MAGI3: variants seen among roughly 807,000 people sequenced by gnomAD.
MAGI3 encodes membrane associated guanylate kinase, WW and PDZ domain containing 3.
MAGI3 carries 43 observed loss-of-function variants against 121.8 expected under a neutral mutation model. The ratio of observed to expected loss-of-function variants is 0.35; its 90% CI spans 0.28 to 0.46. The LOEUF (loss-of-function observed/expected upper bound fraction) is 0.46, where lower values mean the gene tolerates loss of function less well. Among genes scored for constraint, MAGI3 ranks in the 20% least tolerant of loss-of-function variants. MAGI3 has a pLI of 1.00. For synonymous variants in MAGI3, 553 were observed against 639.3 expected, an observed-to-expected ratio of 0.86 and a Z score of 2.04; for missense variants, 1,547 against 1,797.3, an observed-to-expected ratio of 0.86 and a Z score of 2.52.
At chr1:113,442,252 A>G (rs1465333506) in intron 1 of MAGI3, among the ~76,000 whole-genome samples, 1 of 152,186 alleles carries the variant, frequency 6.6e-6, no homozygotes, top group East Asian at 1.9e-4. Context: ...AAGAAAAGGC[A>G]GAAGATATGT....
intron 1 of MAGI3, among the ~76,000 whole-genome samples, chr1:113,506,352 G>T (rs1479486391): frequency 6.6e-6 from 1 of 151,662 alleles, no homozygotes; most frequent in Non-Finnish European, 1.5e-5. Context: ...GAGGTTAGTG[G>T]TTAAAACTTC....
At position 113,413,394 on chromosome 1, in the gene MAGI3, G is replaced by GT. The variant is rs1372905992; in HGVS notation, c.316+22051dup. Among the ~76,000 whole-genome samples the GT allele has an allele frequency of 3.3e-5, 5 of 152,120 alleles. No individual in the cohort carries two copies. In the East Asian group the frequency reaches 5.8e-4, roughly 18 times the overall value. On this transcript the variant is annotated intron_variant, in intron 1 of 20. Transcript: ENST00000307546. The stretch of plus-strand genomic sequence containing the variant: ...TTGGTTCCATATAAACTTTAAAGTA[G>GT]TTTTTTCCAATTCTGTGAAGAAAGT...
chr1:113,642,244 C>T lies in MAGI3; in HGVS notation c.1694C>T (p.Ser565Phe). The change falls in exon 10 of 21, where the codon TCC becomes TTC. Residue 565 changes from serine to phenylalanine, a missense_variant. By Grantham distance (155) the Ser-to-Phe change is radical. Coordinates refer to ENST00000307546, the MANE Select transcript of MAGI3 (RefSeq NM_001142782.2). ...TCAGATGCAAGTGAGCAGAGAGTAT[C>T]CATGGCATCGTCAGGCAGCTCCCAG... ...GPSDASEQRV[S>F]MASSGSSQPE... 6.2e-7 allele frequency: 1 copy of T among 1,614,104 alleles called. No individual in the cohort carries two copies. The highest frequency in any genetic ancestry group is 8.5e-7 in the Non-Finnish European group (1 of 1,180,020).
chr1:113,514,650 A>C (rs1657796121), intron 1 of MAGI3, among the ~76,000 whole-genome samples: 1 of 152,176 alleles, frequency 6.6e-6, no homozygotes, highest in Non-Finnish European at 1.5e-5. Flanking sequence ...GGGGAGGGAT[A>C]GCTTTAGGAG....
chr1:113,578,292 T>A (rs1055783555), intron 2 of MAGI3, among the ~76,000 whole-genome samples: 4 of 152,182 alleles, frequency 2.6e-5, no homozygotes, highest in Non-Finnish European at 5.9e-5. Flanking sequence ...ATATCATCAA[T>A]CCAGTCCAAA....
At chr1:113,621,213 G>A (rs555782977) in intron 8 of MAGI3, among the ~76,000 whole-genome samples, 7 of 152,340 alleles carry the variant, frequency 4.6e-5, no homozygotes, top group South Asian at 2.1e-4. Flanking sequence ...ATGGTGTGCC[G>A]AAAGGCCAGA....
At position 113,622,932 on chromosome 1, in the gene MAGI3, T is replaced by G; in HGVS notation, c.1298T>G (p.Phe433Cys). The G allele has an allele frequency of 6.3e-7, 1 of 1,581,020 alleles. No individual in the cohort carries two copies. The highest frequency in any genetic ancestry group is 8.5e-7 in the Non-Finnish European group (1 of 1,169,642). The change falls in exon 9 of 21, where the codon TTC becomes TGC. Residue 433 changes from phenylalanine (F) to cysteine (C), a missense_variant. By Grantham distance (205) the Phe-to-Cys change is radical. Coordinates refer to ENST00000307546, the MANE Select transcript of MAGI3 (RefSeq NM_001142782.2). ...ATTGGTGGAGATAGACCTGATGAGT[T>G]CCTACAAGTGAAAAATGTGCTGAAA... Reference protein sequence around the residue: ...TIIGGDRPDEFLQVKNVLKDG... With the variant: ...TIIGGDRPDECLQVKNVLKDG...
intron 1 of MAGI3, among the ~76,000 whole-genome samples, chr1:113,517,278 T>C (rs1208766470): frequency 6.6e-6 from 1 of 151,944 alleles, no homozygotes; most frequent in Non-Finnish European, 1.5e-5. Context: ...AACTCTATAC[T>C]ATCTTTACGA....
chr1:113,635,134 A>G (rs1056227646), intron 9 of MAGI3, among the ~76,000 whole-genome samples: 3 of 152,180 alleles, frequency 2.0e-5, no homozygotes, highest in Non-Finnish European at 4.4e-5. Context: ...GGGCTGAGAC[A>G]ATGGGGTTTT....
At chr1:113,605,892 C>T (rs1024054958) in intron 6 of MAGI3, among the ~76,000 whole-genome samples, 1 of 152,076 alleles carries the variant, frequency 6.6e-6, no homozygotes, top group South Asian at 2.1e-4. Context: ...GCCACTGCAC[C>T]CAGCCAGATT....
intron 1 of MAGI3, among the ~76,000 whole-genome samples, chr1:113,521,703 G>A (rs1422386775): frequency 6.6e-6 from 1 of 152,118 alleles, no homozygotes; most frequent in Non-Finnish European, 1.5e-5. Flanking sequence ...ACTGCACCCA[G>A]CCACAGTTAG....
At chr1:113,625,377 T>G (rs1651179630) in intron 9 of MAGI3, among the ~76,000 whole-genome samples, 1 of 152,236 alleles carries the variant, frequency 6.6e-6, no homozygotes, top group Non-Finnish European at 1.5e-5. Flanking sequence ...GTTTCTTGCA[T>G]CAGCATTTTA....
intron 9 of MAGI3, among the ~76,000 whole-genome samples, chr1:113,640,798 C>T (rs908953563): frequency 8.6e-5 from 13 of 150,396 alleles, no homozygotes; most frequent in African/African-American, 2.9e-4. Flanking sequence ...ACCTAGATGA[C>T]GGGTTGATAG....
intron 4 of MAGI3, among the ~76,000 whole-genome samples, chr1:113,587,628 C>A (rs1165639829): frequency 1.3e-5 from 2 of 152,190 alleles, no homozygotes; most frequent in South Asian, 4.1e-4. Flanking sequence ...GAAGAAATAA[C>A]CCAAAAGAAA....
chr1:113,536,621 C>G (rs1659015995), intron 1 of MAGI3, among the ~76,000 whole-genome samples: 1 of 150,274 alleles, frequency 6.7e-6, no homozygotes, highest in Non-Finnish European at 1.5e-5. Flanking sequence ...ACTTTGCTTA[C>G]TTTTTTCTTT....
intron 1 of MAGI3, among the ~76,000 whole-genome samples, chr1:113,470,113 C>G (rs1217458682): frequency 6.6e-6 from 1 of 151,928 alleles, no homozygotes; most frequent in East Asian, 1.9e-4. Context: ...GAGATGGATT[C>G]TAGGTAGAAA....
Position 113,622,916 on chromosome 1 carries a change from G to T in MAGI3, c.1282G>T (p.Asp428Tyr), listed in dbSNP as rs1437612114. The change falls in exon 9 of 21, where the codon GAT becomes TAT. Residue 428 changes from aspartate to tyrosine, a missense_variant. By Grantham distance (160) the Asp-to-Tyr change is radical (BLOSUM62 -3). Transcript: ENST00000307546. ...ATTTGGTTTTACTATTATTGGTGGAGATAGACCTGATGAGTTCCTACAAGT... is the reference window on the plus strand; with the variant it reads ...ATTTGGTTTTACTATTATTGGTGGATATAGACCTGATGAGTTCCTACAAGT... Reference protein sequence around the residue: ...MGFGFTIIGGDRPDEFLQVKN... With the variant: ...MGFGFTIIGGYRPDEFLQVKN... 4 of 1,597,888 alleles carry T rather than the reference G, an allele frequency of 2.5e-6. 1 individual carries two copies. Among genetic ancestry groups the T allele is most frequent in the African/African-American group, 1.4e-5 (1 of 73,898 alleles).
chr1:113,623,703 G>A (rs1651028402), intron 9 of MAGI3, among the ~76,000 whole-genome samples: 1 of 151,922 alleles, frequency 6.6e-6, no homozygotes, highest in Non-Finnish European at 1.5e-5. Context: ...TAGCCAGGAT[G>A]GTCTGGATCT....
At chr1:113,435,241 C>T (rs1232792508) in intron 1 of MAGI3, among the ~76,000 whole-genome samples, 2 of 152,028 alleles carry the variant, frequency 1.3e-5, no homozygotes, top group Non-Finnish European at 2.9e-5. Flanking sequence ...AATAAGCGTT[C>T]GTTTGTAGTA....
Sources: gnomAD v4.1 joint callset for allele counts (sites outside exome capture counted in the v4.1 genomes callset) on GRCh38, gnomAD v4.1.1 for gene constraint, MANE v1.5 for transcripts, NCBI Gene and HGNC (gene_info 2026-07-23, HGNC 2026-07-21) for gene names.